The following DPP10 variants were observed in gnomAD, a reference collection of about 807,000 sequenced individuals.
The protein encoded by DPP10 is dipeptidyl peptidase like 10.
Under a neutral mutation model 120.9 loss-of-function variants are expected in DPP10, and 33 were observed. The ratio of observed to expected loss-of-function variants is 0.27; its 90% CI spans 0.21 to 0.37. The LOEUF (loss-of-function observed/expected upper bound fraction) is 0.37. Ranked by LOEUF, DPP10 falls within the 10% of genes least tolerant of loss-of-function variation. The pLI, the probability that DPP10 is intolerant of heterozygous loss-of-function variation, is 1.00. For synonymous variants in DPP10, 337 were observed against 326.1 expected, an observed-to-expected ratio of 1.03 and a Z score of -0.36; for missense variants, 816 against 942.8, an observed-to-expected ratio of 0.87 and a Z score of 1.76.
At chr2:115,440,755 C>G (rs138333701) in intron 3 of DPP10, 1 of 152,186 alleles carries the variant, frequency 6.6e-6, no homozygotes, top group African/African-American at 2.4e-5. Flanking sequence ...AAAAGAGCAA[C>G]GGTACCAGGT....
chr2:115,049,800 C>G (rs1705336824), intron 1 of DPP10, among the ~76,000 whole-genome samples: 1 of 152,156 alleles, frequency 6.6e-6, no homozygotes, highest in Non-Finnish European at 1.5e-5. Context: ...CCTTTTCTGA[C>G]ACCTTTATCT....
intron 1 of DPP10, among the ~76,000 whole-genome samples, chr2:115,028,948 T>C (rs2105227651): frequency 6.6e-6 from 1 of 152,224 alleles, no homozygotes; most frequent in African/African-American, 2.4e-5. Context: ...TGTGTGTGTG[T>C]TTATAGTAAG....
intron 1 of DPP10, among the ~76,000 whole-genome samples, chr2:114,857,753 C>T (rs1283378582): frequency 6.6e-6 from 1 of 152,086 alleles, no homozygotes; most frequent in African/African-American, 2.4e-5. Context: ...GCTTATTAAA[C>T]GTAGGGTGCC....
At chr2:114,788,911 G>T (rs891137272) in intron 1 of DPP10, among the ~76,000 whole-genome samples, 1 of 152,084 alleles carries the variant, frequency 6.6e-6, no homozygotes, top group Non-Finnish European at 1.5e-5. Flanking sequence ...AGCAAGCAAA[G>T]CATTTTCAGG....
intron 5 of DPP10, among the ~76,000 whole-genome samples, chr2:115,536,725 A>G (rs1175328207): frequency 6.6e-6 from 1 of 152,166 alleles, no homozygotes; most frequent in Middle Eastern, 3.4e-3. Flanking sequence ...ATTTATGGAT[A>G]GGAGAATCTG....
At chr2:114,531,735 A>G (rs892033626) in intron 1 of DPP10, among the ~76,000 whole-genome samples, 1 of 152,064 alleles carries the variant, frequency 6.6e-6, no homozygotes, top group Non-Finnish European at 1.5e-5. Flanking sequence ...GTTGGGTATG[A>G]AAGCAAAGAG....
chr2:115,464,384 G>A (rs960169037), intron 3 of DPP10, among the ~76,000 whole-genome samples: 3 of 147,288 alleles, frequency 2.0e-5, no homozygotes, highest in African/African-American at 7.4e-5. Context: ...AGAATCATCT[G>A]ACTCCTTAAA....
At chr2:115,139,862 T>G (rs1235383053) in intron 1 of DPP10, among the ~76,000 whole-genome samples, 2 of 151,830 alleles carry the variant, frequency 1.3e-5, no homozygotes, top group East Asian at 3.9e-4. Flanking sequence ...CTGACTCTAA[T>G]GTGTGCTTCT....
chr2:114,663,710 T>G (rs1697673521), intron 1 of DPP10, among the ~76,000 whole-genome samples: 1 of 117,722 alleles, frequency 8.5e-6, no homozygotes, highest in Non-Finnish European at 1.6e-5. Flanking sequence ...CTGACTGACT[T>G]GGGCTCTCTA....
At chr2:114,613,971 G>T (rs1401164576) in intron 1 of DPP10, among the ~76,000 whole-genome samples, 9 of 152,032 alleles carry the variant, frequency 5.9e-5, no homozygotes, top group Admixed American at 2.6e-4. Flanking sequence ...CCTGTCGGGG[G>T]TTGGGGGCCC....
intron 5 of DPP10, among the ~76,000 whole-genome samples, chr2:115,552,419 G>C (rs912514715): frequency 8.6e-5 from 13 of 151,966 alleles, no homozygotes; most frequent in African/African-American, 3.1e-4. Context: ...CTTCATGAAG[G>C]CTCCTTCCAG....
At chr2:115,636,407 G>T (rs1006553443) in intron 5 of DPP10, among the ~76,000 whole-genome samples, 5 of 152,114 alleles carry the variant, frequency 3.3e-5, no homozygotes, top group African/African-American at 1.2e-4. Context: ...TAGGTTGCAT[G>T]TTGTATAATT....
chr2:115,095,611 A>C (rs1573595564), intron 1 of DPP10, among the ~76,000 whole-genome samples: 1 of 138,876 alleles, frequency 7.2e-6, no homozygotes, highest in Admixed American at 7.9e-5. Flanking sequence ...ACGGAGTCTC[A>C]CTCTGTCTCC....
intron 21 of DPP10, among the ~76,000 whole-genome samples, chr2:115,833,850 AC>A (rs1415555507): frequency 1.3e-5 from 2 of 152,244 alleles, no homozygotes; most frequent in South Asian, 4.1e-4. Flanking sequence ...GAAACTTCTG[AC>A]CCCAAGCATT....
intron 1 of DPP10, among the ~76,000 whole-genome samples, chr2:114,652,615 C>T (rs1205859037): frequency 6.6e-6 from 1 of 152,200 alleles, no homozygotes; most frequent in African/African-American, 2.4e-5. Context: ...ATTTGCAAAA[C>T]ACCTATCTGA....
chr2:115,098,485 CT>C (rs1043818094), intron 1 of DPP10, among the ~76,000 whole-genome samples: 8 of 152,094 alleles, frequency 5.3e-5, no homozygotes, highest in African/African-American at 1.9e-4. Flanking sequence ...GTATAGTCTA[CT>C]GCTCCTGGGC....
chr2:115,711,492 G>C (rs1014659096), intron 7 of DPP10, among the ~76,000 whole-genome samples: 2 of 152,102 alleles, frequency 1.3e-5, no homozygotes, highest in African/African-American at 4.8e-5. Context: ...TTGTGTTCAG[G>C]ATGGATTTAT....
chr2:115,201,078 G>A (rs1327377596), intron 1 of DPP10, among the ~76,000 whole-genome samples: 3 of 152,104 alleles, frequency 2.0e-5, no homozygotes, highest in Non-Finnish European at 2.9e-5. Flanking sequence ...GAGACTCCAG[G>A]CATTACAAAA....
rs1351715472 is a variant in DPP10 at position 114,516,547 on chromosome 2, G to A, written c.60+73709G>A. On this transcript the variant is annotated intron_variant, in intron 1 of 25. Transcript: ENST00000410059. Reference sequence around the variant, plus strand: ...TCAAAAGTACATTTTAAGGAAAAGGGGGAAAATATGTCTACTAGGAGAAAT... The same window carrying A: ...TCAAAAGTACATTTTAAGGAAAAGGAGGAAAATATGTCTACTAGGAGAAAT... Among the ~76,000 whole-genome samples the A allele has an allele frequency of 2.0e-5, 3 of 152,146 alleles. No homozygotes were observed. The East Asian group carries it at 5.8e-4, about 29-fold the overall frequency.
Sources: gnomAD v4.1 joint callset for allele counts (sites outside exome capture counted in the v4.1 genomes callset) on GRCh38, gnomAD v4.1.1 for gene constraint, MANE v1.5 for transcripts, NCBI Gene and HGNC (gene_info 2026-07-23, HGNC 2026-07-21) for gene names.